Variants in GJB7 observed in about 807,000 individuals in gnomAD.
GJB7 encodes the protein gap junction protein beta 7, also known as gap junction beta-7 protein.
For missense variants in GJB7, 253 were observed against 256.8 expected, an observed-to-expected ratio of 0.99 and a Z score of 0.10; for synonymous variants, 87 against 95.2, an observed-to-expected ratio of 0.91 and a Z score of 0.50.
At chr6:87,303,513 C>T (rs1582560966) in intron 2 of GJB7, among the ~76,000 whole-genome samples, 1 of 152,108 alleles carries the variant, frequency 6.6e-6, no homozygotes, top group Non-Finnish European at 1.5e-5. Flanking sequence ...ACAGGAGCAC[C>T]AAGATTCATA....
At chr6:87,319,784 C>T (rs758911782) in intron 2 of GJB7, among the ~76,000 whole-genome samples, 1 of 152,078 alleles carries the variant, frequency 6.6e-6, no homozygotes, top group African/African-American at 2.4e-5. Flanking sequence ...AAGTGTCCAT[C>T]GACAGATAAA....
Position 87,283,898 on chromosome 6 carries a change from G to A in GJB7, c.*343C>T, listed in dbSNP as rs1776013369. ...AAAAGAATCCTGTTAGATTTCTTCAGACTAATTTGCAATTACCTATTCTAA... is the reference window on the plus strand; with the variant it reads ...AAAAGAATCCTGTTAGATTTCTTCAAACTAATTTGCAATTACCTATTCTAA... On this transcript the variant is annotated 3_prime_UTR_variant, in exon 3 of 3. Coordinates refer to ENST00000525899, the MANE Select transcript of GJB7 (RefSeq NM_198568.3). 6.0e-6 allele frequency: 1 copy of A among 165,784 alleles called. No homozygotes were observed. Among genetic ancestry groups the A allele is most frequent in the Admixed American group, 6.3e-5 (1 of 15,888 alleles). 10.3% of individuals were successfully genotyped at this position (165,784 alleles called of 1,614,324 possible). A position where few individuals can be genotyped will look rare whatever the true frequency, so the allele number is the denominator to read the frequency against.
intron 2 of GJB7, among the ~76,000 whole-genome samples, chr6:87,317,433 C>CTTTT (rs34039728): frequency 7.0e-5 from 10 of 142,978 alleles, no homozygotes; most frequent in African/African-American, 2.3e-4. Context: ...TAATCTTTTC[C>CTTTT]TTTTTTTTTT....
intron 1 of GJB7, among the ~76,000 whole-genome samples, chr6:87,323,675 T>TGTTG: frequency 6.6e-6 from 1 of 151,932 alleles, no homozygotes; most frequent in Non-Finnish European, 1.5e-5. Flanking sequence ...AGTCTATCAT[T>TGTTG]GTTGGACATT....
chr6:87,293,181 G>A (rs1157495250), intron 2 of GJB7, among the ~76,000 whole-genome samples: 2 of 152,064 alleles, frequency 1.3e-5, no homozygotes, highest in Non-Finnish European at 2.9e-5. Context: ...ACAGGCACGC[G>A]CCACCACGCC....
intron 2 of GJB7, among the ~76,000 whole-genome samples, chr6:87,287,913 T>A (rs187667801): frequency 4.0e-4 from 61 of 152,158 alleles, no homozygotes; most frequent in Admixed American, 2.7e-3. Flanking sequence ...TTTAAAAAAA[T>A]TTTTTTTCAG....
intron 2 of GJB7, among the ~76,000 whole-genome samples, chr6:87,285,328 C>A (rs2127895758): frequency 6.6e-6 from 1 of 152,258 alleles, no homozygotes; most frequent in Non-Finnish European, 1.5e-5. Context: ...CTTGAGATGT[C>A]CTTCACATAC....
chr6:87,318,629 T>C (rs1187094410), intron 2 of GJB7, among the ~76,000 whole-genome samples: 1 of 152,178 alleles, frequency 6.6e-6, no homozygotes, highest in Non-Finnish European at 1.5e-5. Flanking sequence ...TTTGCTAATA[T>C]CATATTAGCA....
rs116188986 is a variant in GJB7, at chr6:87,292,197, C to T, written c.-27-7258G>A. On this transcript the variant is annotated intron_variant, in intron 2 of 2. Transcript: ENST00000525899. The stretch of plus-strand genomic sequence containing the variant: ...AAAAATCCAAAATCGCTCATATACA[C>T]GCAGTTCATTGAATATTACTTTGTA... 3.6e-3 allele frequency among the ~76,000 whole-genome samples: 553 copies of T among 152,292 alleles called. 2 individuals carry two copies. Among genetic ancestry groups the T allele is most frequent in the African/African-American group, 0.013 (529 of 41,550 alleles).
At chr6:87,308,185 T>A (rs908020805) in intron 2 of GJB7, among the ~76,000 whole-genome samples, 4 of 149,210 alleles carry the variant, frequency 2.7e-5, no homozygotes, top group Admixed American at 6.7e-5. Context: ...ATGAGAACAC[T>A]TGGACACAGG....
intron 2 of GJB7, among the ~76,000 whole-genome samples, chr6:87,319,766 T>C (rs1266391613): frequency 6.6e-6 from 1 of 152,190 alleles, no homozygotes; most frequent in Non-Finnish European, 1.5e-5. Flanking sequence ...CCAATTTAGA[T>C]GCAATCTAAG....
chr6:87,312,341 G>A lies in GJB7; in HGVS notation c.-28+10525C>T, dbSNP rs1303060939. On this transcript the variant is annotated intron_variant, in intron 2 of 2. Transcript: ENST00000525899. The stretch of plus-strand genomic sequence containing the variant: ...AGCCTGGCCAAGATGGTGAAACCCC[G>A]TCTCTACTAAAAATACAAAAATTAG... 3.3e-5 allele frequency among the ~76,000 whole-genome samples: 5 copies of A among 151,732 alleles called. No individual in the cohort carries two copies. In the East Asian group the frequency reaches 7.7e-4, roughly 23 times the overall value.
chr6:87,318,900 C>G (rs891799722), intron 2 of GJB7, among the ~76,000 whole-genome samples: 1 of 152,096 alleles, frequency 6.6e-6, no homozygotes, highest in East Asian at 1.9e-4. Flanking sequence ...AAAAAAAGAC[C>G]TGGCTTTGAC....
rs2127895544 is a variant in GJB7, at chr6:87,284,953, C to T, written c.-27-14G>A. ...GAAGGCAAGACTCTGCAAAATAAGA[C>T]AATTTCATCAGGATCCATTTATTTC... is the stretch of plus-strand genomic sequence containing the variant. On this transcript the variant is annotated splice_polypyrimidine_tract_variant and intron_variant, in intron 2 of 2. Coordinates refer to ENST00000525899, the MANE Select transcript of GJB7 (RefSeq NM_198568.3). 6.9e-7 allele frequency: 1 copy of T among 1,440,716 alleles called. No homozygotes were observed. The highest frequency in any genetic ancestry group is 2.3e-5 in the East Asian group (1 of 43,722). The allele number at this position is 1,440,716 out of a possible 1,614,324, so 89.2% of individuals were successfully genotyped here.
intron 1 of GJB7, among the ~76,000 whole-genome samples, chr6:87,324,502 C>T (rs1391032268): frequency 6.6e-6 from 1 of 150,456 alleles, no homozygotes; most frequent in East Asian, 1.9e-4. Flanking sequence ...AGCCAGTTTT[C>T]CCAGCACCAT....
intron 2 of GJB7, among the ~76,000 whole-genome samples, chr6:87,290,697 C>T (rs1400151071): frequency 6.6e-6 from 1 of 152,186 alleles, no homozygotes; most frequent in Non-Finnish European, 1.5e-5. Flanking sequence ...ACACAGCACT[C>T]AGGCCCAATC....
intron 2 of GJB7, among the ~76,000 whole-genome samples, chr6:87,297,964 T>TA (rs1705411093): frequency 6.6e-6 from 1 of 152,224 alleles, no homozygotes; most frequent in Non-Finnish European, 1.5e-5. Flanking sequence ...GGCAAGGAGA[T>TA]AAAGAGTGTT....
chr6:87,320,488 T>C (rs1776640251), intron 2 of GJB7, among the ~76,000 whole-genome samples: 1 of 152,192 alleles, frequency 6.6e-6, no homozygotes. Context: ...GTCTATGAGA[T>C]AGGTCTCAAT....
chr6:87,290,995 C>T lies in GJB7; in HGVS notation c.-27-6056G>A, dbSNP rs538125518. 2.5e-3 allele frequency among the ~76,000 whole-genome samples: 386 copies of T among 152,224 alleles called. 2 individuals are homozygous for T. The highest frequency in any genetic ancestry group is 8.9e-3 in the African/African-American group (371 of 41,530). ...AGAGAAAGCCAAATAAATGAAGCCA[C>T]GATGGGTAGATGTACAGCAGGAATG... is the stretch of plus-strand genomic sequence containing the variant. On this transcript the variant is annotated intron_variant, in intron 2 of 2. Coordinates refer to ENST00000525899, the MANE Select transcript of GJB7 (RefSeq NM_198568.3).
Sources: allele counts gnomAD v4.1 joint callset (sites outside exome capture counted in the v4.1 genomes callset), GRCh38; gene constraint gnomAD v4.1.1; transcripts MANE v1.5; gene names NCBI Gene and HGNC (gene_info 2026-07-23, HGNC 2026-07-21).